HIP1: variants seen among roughly 807,000 people sequenced by gnomAD.
HIP1 encodes huntingtin interacting protein 1.
A neutral mutation model predicts 147.6 loss-of-function variants in HIP1; 65 were observed. The ratio of observed to expected loss-of-function variants is 0.44; its 90% CI spans 0.36 to 0.54. HIP1 has a LOEUF of 0.54. HIP1 is among the 20% of genes least tolerant of loss of function. The pLI, the probability that HIP1 is intolerant of heterozygous loss-of-function variation, is 0.00. For missense variants in HIP1, 1,061 were observed against 1,299.6 expected (o/e 0.82, Z 2.82); for synonymous variants, 479 against 504.0 (o/e 0.95, Z 0.67).
chr7:75,590,475 G>T (rs1263542835), intron 4 of HIP1, among the ~76,000 whole-genome samples: 1 of 152,134 alleles, frequency 6.6e-6, no homozygotes, highest in Non-Finnish European at 1.5e-5. Context: ...CAAGGAATGA[G>T]AGAAATAGAA....
At chr7:75,659,910 G>T (rs1231879728) in intron 1 of HIP1, among the ~76,000 whole-genome samples, 1 of 150,594 alleles carries the variant, frequency 6.6e-6, no homozygotes, top group East Asian at 2.0e-4. Flanking sequence ...GGTGGATCAC[G>T]AGGTCAAGAG....
intron 1 of HIP1, among the ~76,000 whole-genome samples, chr7:75,601,237 G>A (rs1278652106): frequency 2.6e-5 from 4 of 151,914 alleles, no homozygotes; most frequent in Middle Eastern, 3.4e-3. Flanking sequence ...ATAGACCCAC[G>A]GATCAGCAAA....
At chr7:75,717,833 T>C (rs936096551) in intron 1 of HIP1, among the ~76,000 whole-genome samples, 2 of 152,026 alleles carry the variant, frequency 1.3e-5, no homozygotes, top group East Asian at 3.8e-4. Flanking sequence ...TAGCCAGGCA[T>C]GATGGCAGGC....
intron 1 of HIP1, among the ~76,000 whole-genome samples, chr7:75,660,162 TGG>T (rs1174021736): frequency 6.6e-6 from 1 of 150,826 alleles, no homozygotes; most frequent in East Asian, 2.0e-4. Flanking sequence ...ACTCAGGTTC[TGG>T]TGTCAAGACA....
rs782341775 is a variant in HIP1, at chr7:75,732,995, C to G, written c.120+5806G>C. Reference sequence around the variant, plus strand: ...CCAGAGCCGGTCTCTTTATCTTACTCATCTCTGTGTCTCCTCCACGGTATG... The same window carrying G: ...CCAGAGCCGGTCTCTTTATCTTACTGATCTCTGTGTCTCCTCCACGGTATG... On this transcript the variant is annotated intron_variant, in intron 1 of 30. Coordinates refer to ENST00000336926, the MANE Select transcript of HIP1 (RefSeq NM_005338.7). 8.5e-5 allele frequency among the ~76,000 whole-genome samples: 13 copies of G among 152,332 alleles called. No individual in the cohort carries two copies. The East Asian group carries it at 2.3e-3, about 27-fold the overall frequency.
At chr7:75,611,681 T>G (rs1242883634) in intron 1 of HIP1, 2 of 1,025,322 alleles carry the variant, frequency 2.0e-6, no homozygotes, top group African/African-American at 1.7e-5. Context: ...GAGGGGGCTC[T>G]GGGTTAGGGA....
At chr7:75,665,463 A>T (rs1261749608) in intron 1 of HIP1, among the ~76,000 whole-genome samples, 4 of 152,090 alleles carry the variant, frequency 2.6e-5, no homozygotes, top group African/African-American at 9.7e-5. Context: ...TTGAAGGTCC[A>T]GTGGGATGTG....
At chr7:75,601,259 A>G (rs1328323337) in intron 1 of HIP1, among the ~76,000 whole-genome samples, 10 of 151,696 alleles carry the variant, frequency 6.6e-5, no homozygotes, top group Admixed American at 6.6e-4. Flanking sequence ...TACAGTTACA[A>G]GCCACAACCA....
chr7:75,723,191 C>T (rs1410527260), intron 1 of HIP1, among the ~76,000 whole-genome samples: 3 of 152,062 alleles, frequency 2.0e-5, no homozygotes, highest in Non-Finnish European at 2.9e-5. Context: ...CATGGTGACA[C>T]CCCATCCCAT....
chr7:75,605,217 C>T (rs587605181), intron 1 of HIP1, among the ~76,000 whole-genome samples: 10 of 152,276 alleles, frequency 6.6e-5, no homozygotes, highest in South Asian at 6.2e-4. Context: ...AACCAGCACC[C>T]GCTCTGTACT....
intron 19 of HIP1, among the ~76,000 whole-genome samples, chr7:75,555,195 C>CGGGGGGGGG (rs371043786): frequency 2.5e-4 from 6 of 23,628 alleles, no homozygotes; most frequent in Non-Finnish European, 5.0e-4. Flanking sequence ...AGCGGGGGGG[C>CGGGGGGGGG]GGGGGGGGGG....
At chr7:75,555,989 T>G (rs1794988587) in intron 18 of HIP1, 37 bp downstream of exon 18, 1 of 1,609,850 alleles carries the variant, frequency 6.2e-7, no homozygotes, top group African/African-American at 1.3e-5. Context: ...CGGTGGGAAT[T>G]CACAGGTGCT....
chr7:75,626,461 A>G (rs1325178019), intron 1 of HIP1: 1 of 152,228 alleles, frequency 6.6e-6, no homozygotes, highest in Non-Finnish European at 1.5e-5. Flanking sequence ...ACTAACATTG[A>G]CTGAATGATA....
intron 7 of HIP1, among the ~76,000 whole-genome samples, chr7:75,580,610 C>T (rs1294028209): frequency 6.6e-6 from 1 of 151,994 alleles, no homozygotes; most frequent in African/African-American, 2.4e-5. Flanking sequence ...TGTGGTGGTG[C>T]GTGCCTGTAG....
At chr7:75,585,516 C>A (rs1391068766) in intron 5 of HIP1, among the ~76,000 whole-genome samples, 1 of 151,900 alleles carries the variant, frequency 6.6e-6, no homozygotes, top group Non-Finnish European at 1.5e-5. Context: ...TCCCCGCCTC[C>A]TCATGACACC....
chr7:75,559,555 C>T (rs1295461532), intron 14 of HIP1, among the ~76,000 whole-genome samples, 177 bp downstream of exon 14: 1 of 152,210 alleles, frequency 6.6e-6, no homozygotes, highest in African/African-American at 2.4e-5. Context: ...CAGCTTTGTG[C>T]CTGCAGGACT....
intron 1 of HIP1, among the ~76,000 whole-genome samples, chr7:75,666,937 C>T (rs1356311515): frequency 6.6e-6 from 1 of 151,972 alleles, no homozygotes; most frequent in Non-Finnish European, 1.5e-5. Context: ...GGACACGAAA[C>T]CATTTATATA....
intron 1 of HIP1, among the ~76,000 whole-genome samples, chr7:75,622,764 G>A (rs1485151628): frequency 6.6e-6 from 1 of 151,378 alleles, no homozygotes; most frequent in Non-Finnish European, 1.5e-5. Flanking sequence ...GACACTTTGA[G>A]CCCAGGAGTT....
chr7:75,617,135 C>T (rs1198982344), intron 1 of HIP1, among the ~76,000 whole-genome samples: 4 of 145,636 alleles, frequency 2.7e-5, no homozygotes, highest in Non-Finnish European at 6.0e-5. Context: ...AGTGCAATGG[C>T]GTGATCTCAG....
Sources: gnomAD v4.1 joint callset for allele counts (sites outside exome capture counted in the v4.1 genomes callset) on GRCh38, gnomAD v4.1.1 for gene constraint, MANE v1.5 for transcripts, NCBI Gene and HGNC (gene_info 2026-07-23, HGNC 2026-07-21) for gene names.